The following PPP1R14C variants were observed in gnomAD, a reference collection of about 807,000 sequenced individuals.
The protein encoded by PPP1R14C is protein phosphatase 1 regulatory subunit 14C.
PPP1R14C carries 16 observed loss-of-function variants against 20.4 expected under a neutral mutation model. That is an observed-to-expected ratio of 0.78 (90% CI 0.53 to 1.19). The LOEUF (loss-of-function observed/expected upper bound fraction) is 1.19. Among genes scored for constraint, PPP1R14C ranks in the 50% most tolerant of loss-of-function variants. The probability of loss-of-function intolerance (pLI) is 0.00; values close to 1 mark genes in which losing one functional copy is unlikely to be tolerated. For missense variants in PPP1R14C, 211 were observed against 220.1 expected, an observed-to-expected ratio of 0.96 and a Z score of 0.26; for synonymous variants, 91 against 91.0, an observed-to-expected ratio of 1.00 and a Z score of 0.00.
At chr6:150,230,553 G>T (rs748365858) in intron 3 of PPP1R14C, among the ~76,000 whole-genome samples, 26 of 152,026 alleles carry the variant, frequency 1.7e-4, no homozygotes, top group Non-Finnish European at 2.5e-4. Flanking sequence ...GTCTTTTTTT[G>T]TTGTTGTTGT....
chr6:150,190,332 C>A (rs529021386), intron 1 of PPP1R14C, among the ~76,000 whole-genome samples: 3 of 151,938 alleles, frequency 2.0e-5, no homozygotes, highest in African/African-American at 7.3e-5. Context: ...CTTTTCTCCA[C>A]GGCACTTCCT....
intron 3 of PPP1R14C, among the ~76,000 whole-genome samples, chr6:150,241,270 C>A (rs7748488): frequency 6.6e-6 from 1 of 152,176 alleles, no homozygotes; most frequent in Non-Finnish European, 1.5e-5. Context: ...GGGAGAGGGG[C>A]CCAGAGAGGG....
intron 2 of PPP1R14C, among the ~76,000 whole-genome samples, chr6:150,215,840 T>C (rs931306121): frequency 6.6e-6 from 1 of 152,222 alleles, no homozygotes; most frequent in Non-Finnish European, 1.5e-5. Context: ...TATGGCTGCA[T>C]TGCACTTAAA....
chr6:150,198,980 A>G (rs979732399), intron 1 of PPP1R14C, among the ~76,000 whole-genome samples: 1 of 151,242 alleles, frequency 6.6e-6, no homozygotes, highest in African/African-American at 2.4e-5. Flanking sequence ...CAGTGACCAG[A>G]CAGAAGTGGT....
rs180805463 is a variant in PPP1R14C at position 150,189,379 on chromosome 6, G to A, written c.307-25365G>A. On this transcript the variant is annotated intron_variant, in intron 1 of 3. Coordinates refer to ENST00000361131, the MANE Select transcript of PPP1R14C (RefSeq NM_030949.3). ...TTTCTGTTGACACAGCGCCACCCCA[G>A]ACAGGGATCATAATGCAATAGAGCA... Among the ~76,000 whole-genome samples, 495 of 152,252 alleles carry A rather than the reference G, an allele frequency of 3.3e-3. 3 individuals carry two copies. Among genetic ancestry groups the A allele is most frequent in the Middle Eastern group, 6.8e-3 (2 of 294 alleles).
At chr6:150,225,643 G>A (rs1318999523) in intron 3 of PPP1R14C, among the ~76,000 whole-genome samples, 1 of 152,126 alleles carries the variant, frequency 6.6e-6, no homozygotes, top group East Asian at 1.9e-4. Flanking sequence ...ATACCTGACT[G>A]GAAACAGGAA....
intron 1 of PPP1R14C, among the ~76,000 whole-genome samples, chr6:150,208,555 A>C (rs1260256743): frequency 6.6e-6 from 1 of 152,196 alleles, no homozygotes; most frequent in African/African-American, 2.4e-5. Flanking sequence ...TGGTTATAAA[A>C]ATCACATCCA....
chr6:150,176,514 A>G (rs562519946), intron 1 of PPP1R14C, among the ~76,000 whole-genome samples: 5 of 152,228 alleles, frequency 3.3e-5, no homozygotes, highest in African/African-American at 1.2e-4. Context: ...AATACCAGAT[A>G]AGTTCAGGGT....
chr6:150,147,190 G>GT (rs1274674299), intron 1 of PPP1R14C, among the ~76,000 whole-genome samples: 2 of 92,750 alleles, frequency 2.2e-5, no homozygotes, highest in African/African-American at 4.2e-5. Flanking sequence ...TTTTGTTTTT[G>GT]TTTTTTTGAG....
At chr6:150,153,656 CATTCTCACTA>C (rs2114853264) in intron 1 of PPP1R14C, among the ~76,000 whole-genome samples, 1 of 152,184 alleles carries the variant, frequency 6.6e-6, no homozygotes, top group South Asian at 2.1e-4. Flanking sequence ...GGGGCCAATA[CATTCTCACTA>C]GGTTTTTCTT....
intron 3 of PPP1R14C, among the ~76,000 whole-genome samples, chr6:150,227,109 C>T (rs1255804872): frequency 6.6e-6 from 1 of 152,150 alleles, no homozygotes; most frequent in Non-Finnish European, 1.5e-5. Context: ...AATCATTGTT[C>T]AGTTTATGGA....
intron 1 of PPP1R14C, among the ~76,000 whole-genome samples, chr6:150,176,336 G>A (rs1316598459): frequency 2.0e-5 from 3 of 152,292 alleles, no homozygotes; most frequent in South Asian, 2.1e-4. Context: ...AGTTGGAGGC[G>A]GGGTGCCCGT....
intron 3 of PPP1R14C, among the ~76,000 whole-genome samples, chr6:150,244,145 C>T (rs930710593): frequency 6.8e-6 from 1 of 147,120 alleles, no homozygotes; most frequent in East Asian, 2.0e-4. Context: ...TATGGCATTT[C>T]AATTATGCCT....
At position 150,224,916 on chromosome 6, in the gene PPP1R14C, A is replaced by G. The variant is rs1778213726; in HGVS notation, c.423+8060A>G. Among the ~76,000 whole-genome samples the G allele has an allele frequency of 1.3e-5, 2 of 152,094 alleles. 1 individual carries two copies. Among genetic ancestry groups the G allele is most frequent in the South Asian group, 4.2e-4 (2 of 4,816 alleles). Reference sequence around the variant, plus strand: ...AGGTGTGAGGAGAGGGGAAGCATCCATAGTCCTGTGATTAGTTCTCAGTCA... The same window carrying G: ...AGGTGTGAGGAGAGGGGAAGCATCCGTAGTCCTGTGATTAGTTCTCAGTCA... On this transcript the variant is annotated intron_variant, in intron 3 of 3. Coordinates refer to ENST00000361131, the MANE Select transcript of PPP1R14C (RefSeq NM_030949.3).
In PPP1R14C at chr6:150,143,074, G is replaced by A. The variant is rs1777131889; in HGVS notation, c.-119G>A. ...AGCCGGGCGGCTGGGCGCGCGCGGCGCAGAGCAGGTGCCGGGGAGCCCTTC... is the reference window on the plus strand; with the variant it reads ...AGCCGGGCGGCTGGGCGCGCGCGGCACAGAGCAGGTGCCGGGGAGCCCTTC... On this transcript the variant is annotated 5_prime_UTR_variant, in exon 1 of 4. Coordinates refer to ENST00000361131, the MANE Select transcript of PPP1R14C (RefSeq NM_030949.3). This position sits in a 1 kb window ranked among gnomAD's most constrained non-coding sequence, Gnocchi z 5.6. 2 of 1,096,850 alleles carry A rather than the reference G, an allele frequency of 1.8e-6. No individual in the cohort carries two copies. Among genetic ancestry groups the A allele is most frequent in the Admixed American group, 5.1e-5 (1 of 19,632 alleles). The allele number at this position is 1,096,850 out of a possible 1,614,324, so 67.9% of individuals were successfully genotyped here.
chr6:150,243,082 G>C (rs865794016), intron 3 of PPP1R14C, among the ~76,000 whole-genome samples: 3 of 151,976 alleles, frequency 2.0e-5, no homozygotes, highest in Non-Finnish European at 2.9e-5. Flanking sequence ...CATTAGTGTT[G>C]AGATGTCAGT....
chr6:150,176,365 C>A (rs1777563023), intron 1 of PPP1R14C, among the ~76,000 whole-genome samples: 1 of 152,230 alleles, frequency 6.6e-6, no homozygotes, highest in Non-Finnish European at 1.5e-5. Context: ...CTGTGTCTGG[C>A]TTCCTTGGCA....
At chr6:150,144,067 G>T (rs1221918889) in intron 1 of PPP1R14C, among the ~76,000 whole-genome samples, 1 of 152,242 alleles carries the variant, frequency 6.6e-6, no homozygotes, top group African/African-American at 2.4e-5. Context: ...AGCCAGCCCC[G>T]ACGGTGTCTC....
intron 3 of PPP1R14C, among the ~76,000 whole-genome samples, chr6:150,227,106 G>A (rs189349930): frequency 1.3e-5 from 2 of 152,286 alleles, no homozygotes; most frequent in Admixed American, 1.3e-4. Flanking sequence ...TAAAATCATT[G>A]TTCAGTTTAT....
Sources: gnomAD v4.1 joint callset for allele counts (sites outside exome capture counted in the v4.1 genomes callset) on GRCh38, gnomAD v4.1.1 for gene constraint, Gnocchi (gnomAD v3.1) non-coding constraint, MANE v1.5 for transcripts, NCBI Gene and HGNC (gene_info 2026-07-23, HGNC 2026-07-21) for gene names.